CDH23: variants seen among roughly 807,000 people sequenced by gnomAD.
CDH23 encodes cadherin related 23, also known as cadherin-23.
In CDH23, 189 loss-of-function variants were observed where a neutral mutation model predicts 317.1. That is an observed-to-expected ratio of 0.60 (90% CI 0.53 to 0.67). The LOEUF (loss-of-function observed/expected upper bound fraction) is 0.67. Among genes scored for constraint, CDH23 ranks in the 30% least tolerant of loss-of-function variants. CDH23 has a pLI of 0.00. For missense variants in CDH23, 4,401 were observed against 4,592.4 expected (o/e 0.96, Z 1.20); for synonymous variants, 1,839 against 1,876.8 (o/e 0.98, Z 0.52).
intron 6 of CDH23, among the ~76,000 whole-genome samples, chr10:71,553,068 T>A (rs1402455300): frequency 6.6e-6 from 1 of 152,152 alleles, no homozygotes; most frequent in Non-Finnish European, 1.5e-5. Flanking sequence ...ACATGAGAAC[T>A]TGATGGGAAT....
chr10:71,650,788 T>C (rs1298805992), intron 14 of CDH23, among the ~76,000 whole-genome samples: 3 of 152,184 alleles, frequency 2.0e-5, no homozygotes, highest in Admixed American at 6.5e-5. Context: ...GACCTGGCAA[T>C]TGAAATCAGA....
chr10:71,736,206 GCCCACC>G (rs550820864), intron 34 of CDH23, among the ~76,000 whole-genome samples: 2 of 152,222 alleles, frequency 1.3e-5, no homozygotes, highest in Non-Finnish European at 2.9e-5. Context: ...GGTTAGCAGG[GCCCACC>G]CCCTTTTGTT....
At chr10:71,686,653 C>G (rs1453494501) in intron 18 of CDH23, among the ~76,000 whole-genome samples, 2 of 152,126 alleles carry the variant, frequency 1.3e-5, no homozygotes, top group Non-Finnish European at 2.9e-5. Flanking sequence ...CCTATTTGCA[C>G]TAGCAAACGA....
rs760492462 is a variant in CDH23 at position 71,511,227 on chromosome 10, G to A, written c.429+15G>A. On this transcript the variant is annotated intron_variant, in intron 6 of 69. Coordinates refer to ENST00000224721, the MANE Select transcript of CDH23 (RefSeq NM_022124.6). ...GCATCCCTGAGGTAGGAGCCACTGG[G>A]GTTACCCTTGAGGGTATCAGAGACC... is the stretch of plus-strand genomic sequence containing the variant. The A allele has an allele frequency of 6.8e-6, 11 of 1,608,458 alleles. No individual in the cohort carries two copies. Among genetic ancestry groups the A allele is most frequent in the Non-Finnish European group, 9.4e-6 (11 of 1,175,114 alleles).
chr10:71,690,389 C>A (rs750236402), intron 19 of CDH23, 79 bp from the exon 20 acceptor site: 5 of 1,064,510 alleles, frequency 4.7e-6, no homozygotes, highest in Non-Finnish European at 6.9e-6. Flanking sequence ...AGCGCAAATG[C>A]TGCTCCCAGG....
chr10:71,593,936 G>C (rs1229741758), intron 9 of CDH23, among the ~76,000 whole-genome samples: 1 of 152,148 alleles, frequency 6.6e-6, no homozygotes, highest in Non-Finnish European at 1.5e-5. Flanking sequence ...CTGGGCAACG[G>C]AGTAAGGCCT....
chr10:71,615,420 C>A, intron 9 of CDH23, 84 bp from the exon 10 acceptor site: 1 of 858,216 alleles, frequency 1.2e-6, no homozygotes, highest in East Asian at 2.6e-5. Flanking sequence ...GGAGCCCTGG[C>A]CCCAGCTCCA....
intron 31 of CDH23, among the ~76,000 whole-genome samples, chr10:71,730,972 C>G (rs1839357622): frequency 6.6e-6 from 1 of 152,264 alleles, no homozygotes; most frequent in South Asian, 2.1e-4. Context: ...GCCTGCTCCT[C>G]CAGCCCCTCC....
chr10:71,539,736 A>C, intron 6 of CDH23, among the ~76,000 whole-genome samples: 1 of 148,376 alleles, frequency 6.7e-6, no homozygotes, highest in African/African-American at 2.5e-5. Context: ...TTCTCTCCAT[A>C]CCTGTTTCTC....
intron 6 of CDH23, among the ~76,000 whole-genome samples, chr10:71,525,863 TG>T (rs1855011624): frequency 6.6e-6 from 1 of 152,186 alleles, no homozygotes; most frequent in African/African-American, 2.4e-5. Flanking sequence ...GCTAGAGTGT[TG>T]CTTCCATGTG....
At chr10:71,460,292 C>T (rs968797394) in intron 3 of CDH23, among the ~76,000 whole-genome samples, 1 of 152,236 alleles carries the variant, frequency 6.6e-6, no homozygotes, top group African/African-American at 2.4e-5. Context: ...GTGGACAGGG[C>T]ACAAGATCCT....
chr10:71,730,644 G>T, intron 31 of CDH23, 40 bp downstream of exon 31: 3 of 1,611,300 alleles, frequency 1.9e-6, no homozygotes, highest in Non-Finnish European at 2.5e-6. Context: ...CCATTGCTCA[G>T]AGCAAACCTC....
At chr10:71,488,952 C>T (rs549395144) in intron 3 of CDH23, among the ~76,000 whole-genome samples, 42 of 152,236 alleles carry the variant, frequency 2.8e-4, no homozygotes, top group Non-Finnish European at 5.1e-4. Context: ...GAGAAATCAC[C>T]TGTAAGTTTA....
chr10:71,627,940 G>A (rs1253589745), intron 11 of CDH23, among the ~76,000 whole-genome samples: 1 of 152,160 alleles, frequency 6.6e-6, no homozygotes, highest in Admixed American at 6.5e-5. Context: ...CTCTTGGCTG[G>A]CTTGTACCCT....
At chr10:71,774,777 G>T (rs765908798) in intron 38 of CDH23, among the ~76,000 whole-genome samples, 10 of 152,210 alleles carry the variant, frequency 6.6e-5, no homozygotes, top group Non-Finnish European at 1.3e-4. Context: ...GGGATCTTGG[G>T]TTAATAGGTG....
intron 11 of CDH23, among the ~76,000 whole-genome samples, chr10:71,643,495 A>G (rs1234184999): frequency 6.6e-6 from 1 of 152,108 alleles, no homozygotes; most frequent in Non-Finnish European, 1.5e-5. Context: ...GGCCCCTCCC[A>G]TCCCAGCCTA....
chr10:71,790,207 G>A (rs1413454802), intron 45 of CDH23, 81 bp from the exon 46 acceptor site: 2 of 1,556,572 alleles, frequency 1.3e-6, no homozygotes, highest in African/African-American at 1.3e-5. Flanking sequence ...CGTCAGCCAT[G>A]GCTCACCGGG....
intron 30 of CDH23, among the ~76,000 whole-genome samples, chr10:71,730,218 G>C (rs1223534275): frequency 2.6e-5 from 4 of 152,188 alleles, no homozygotes; most frequent in Non-Finnish European, 4.4e-5. Context: ...ATGTTCCACA[G>C]CATTAGTCAA....
At chr10:71,659,355 G>A (rs988286861) in intron 14 of CDH23, among the ~76,000 whole-genome samples, 2 of 152,318 alleles carry the variant, frequency 1.3e-5, no homozygotes, top group East Asian at 3.9e-4. Flanking sequence ...CAGCCACTGG[G>A]AACTAGGCCT....
Sources: gnomAD v4.1 joint callset for allele counts (sites outside exome capture counted in the v4.1 genomes callset) on GRCh38, gnomAD v4.1.1 for gene constraint, MANE v1.5 for transcripts, NCBI Gene and HGNC (gene_info 2026-07-23, HGNC 2026-07-21) for gene names.